Variants in WWOX observed in about 807,000 individuals in gnomAD.
The protein encoded by WWOX is WW domain-containing oxidoreductase.
A neutral mutation model predicts 46.2 loss-of-function variants in WWOX; 69 were observed. The observed-to-expected ratio is 1.49, with a 90% CI of 1.23 to 1.82. The LOEUF is 1.82. WWOX is among the 40% of genes most tolerant of loss of function. The pLI, the probability that WWOX is intolerant of heterozygous loss-of-function variation, is 0.00. For synonymous variants in WWOX, 359 were observed against 202.6 expected (o/e 1.77, Z -6.56); for missense variants, 919 against 542.6 (o/e 1.69, Z -6.89).
intron 8 of WWOX, among the ~76,000 whole-genome samples, chr16:78,924,148 T>A (rs891067575): frequency 6.6e-6 from 1 of 152,092 alleles, no homozygotes; most frequent in Non-Finnish European, 1.5e-5. Flanking sequence ...GACAAGGCTC[T>A]GGTTAGAGAA....
rs777271293 is a variant in WWOX at position 78,115,162 on chromosome 16, C to T, written c.409+8C>T. ...GAGCTAATTCAGGAATAGGTAGGCT[C>T]TTCACTTAGTTATTTATCTTTGGGA... On this transcript the variant is annotated splice_region_variant and intron_variant, in intron 4 of 8. Coordinates refer to ENST00000566780, the MANE Select transcript of WWOX (RefSeq NM_016373.4). 6.2e-7 allele frequency: 1 copy of T among 1,614,168 alleles called. No homozygotes were observed. The highest frequency in any genetic ancestry group is 8.5e-7 in the Non-Finnish European group (1 of 1,179,982).
rs1201857935 is a variant in WWOX at position 78,339,275 on chromosome 16, T to C, written c.517-47585T>C. Among the ~76,000 whole-genome samples the C allele has an allele frequency of 2.5e-5, 3 of 118,120 alleles. No homozygotes were observed. The East Asian group carries it at 5.8e-4, about 23-fold the overall frequency. 77.5% of individuals were successfully genotyped at this position (118,120 alleles called of 152,430 possible). On this transcript the variant is annotated intron_variant, in intron 5 of 8. Coordinates refer to ENST00000566780, the MANE Select transcript of WWOX (RefSeq NM_016373.4). ...ATTTTTTCCCTGGAGTTAATACTCA[T>C]CTTTTTTTAGAAATTTGCTGAGTTT...
chr16:78,333,020 G>C lies in WWOX; in HGVS notation c.517-53840G>C, dbSNP rs1033475471. Among the ~76,000 whole-genome samples the C allele has an allele frequency of 2.1e-5, 3 of 141,960 alleles. No individual in the cohort carries two copies. The South Asian group carries it at 6.7e-4, about 32-fold the overall frequency. 93.1% of individuals were successfully genotyped at this position (141,960 alleles called of 152,430 possible). On this transcript the variant is annotated intron_variant, in intron 5 of 8. Coordinates refer to ENST00000566780, the MANE Select transcript of WWOX (RefSeq NM_016373.4). The stretch of plus-strand genomic sequence containing the variant: ...CCAAGATTCTTCGCTTGGGTATTCT[G>C]AGTAGCATGGAAGAGCATTATACTT...
chr16:78,579,410 C>T (rs953257394), intron 8 of WWOX, among the ~76,000 whole-genome samples: 1 of 152,062 alleles, frequency 6.6e-6, no homozygotes, highest in Non-Finnish European at 1.5e-5. Flanking sequence ...GTTCACCAGG[C>T]AAACTGAGGA....
intron 5 of WWOX, among the ~76,000 whole-genome samples, chr16:78,243,564 T>G (rs2037725375): frequency 6.6e-6 from 1 of 152,090 alleles, no homozygotes; most frequent in African/African-American, 2.4e-5. Flanking sequence ...CTTCTTTTTT[T>G]GAGACAGAGT....
rs1193263248 is a variant in WWOX at position 78,344,526 on chromosome 16, C to T, written c.517-42334C>T. The stretch of plus-strand genomic sequence containing the variant: ...TTAAATGAACACAGGAAATGCCATT[C>T]ACCTTTACCATGAATGGGAATCTTT... On this transcript the variant is annotated intron_variant, in intron 5 of 8. Transcript: ENST00000566780. Among the ~76,000 whole-genome samples, 2 of 120,844 alleles carry T rather than the reference C, an allele frequency of 1.7e-5. 1 individual carries two copies. The highest frequency in any genetic ancestry group is 4.0e-5 in the Non-Finnish European group (2 of 50,616). The allele number at this position is 120,844 out of a possible 152,430, so 79.3% of individuals were successfully genotyped here.
intron 8 of WWOX, among the ~76,000 whole-genome samples, chr16:79,011,459 T>TTTTG (rs533216805): frequency 1.1e-4 from 14 of 131,978 alleles, no homozygotes; most frequent in Admixed American, 7.8e-4. Context: ...TTATTTTTTA[T>TTTTG]TTTATTTATT....
rs139843296 is a variant in WWOX, at chr16:78,762,160, C to G, written c.1056+329408C>G. On this transcript the variant is annotated intron_variant, in intron 8 of 8. Coordinates refer to ENST00000566780, the MANE Select transcript of WWOX (RefSeq NM_016373.4). ...ATTTTATAGATTAGGAAACCAAGGT[C>G]AAAAGTGGTGAATTGATTTGACCAA... Among the ~76,000 whole-genome samples, 449 of 152,250 alleles carry G rather than the reference C, an allele frequency of 2.9e-3. 1 individual carries two copies. The highest frequency in any genetic ancestry group is 0.01 in the African/African-American group (421 of 41,546).
At chr16:79,105,220 G>C (rs1415280722) in intron 8 of WWOX, among the ~76,000 whole-genome samples, 1 of 152,110 alleles carries the variant, frequency 6.6e-6, no homozygotes, top group African/African-American at 2.4e-5. Context: ...CTCAGTAACA[G>C]CAGTCTGCTA....
intron 8 of WWOX, among the ~76,000 whole-genome samples, chr16:78,498,810 C>A (rs184282028): frequency 3.3e-5 from 5 of 152,308 alleles, no homozygotes; most frequent in Non-Finnish European, 7.3e-5. Flanking sequence ...AAGTAGTCTT[C>A]CTGCCTTGGC....
intron 8 of WWOX, among the ~76,000 whole-genome samples, chr16:78,732,886 G>A (rs887807168): frequency 6.6e-6 from 1 of 152,186 alleles, no homozygotes; most frequent in African/African-American, 2.4e-5. Context: ...TCTTTCTTGA[G>A]AATAAGCGCT....
intron 8 of WWOX, among the ~76,000 whole-genome samples, chr16:78,748,213 A>G (rs1417373083): frequency 2.0e-5 from 3 of 152,156 alleles, no homozygotes; most frequent in Admixed American, 2.0e-4. Context: ...GGCAGTGTCC[A>G]CTCAATACAT....
chr16:78,757,094 A>G, intron 8 of WWOX: 3 of 691,526 alleles, frequency 4.3e-6, no homozygotes, highest in Admixed American at 2.0e-5. Context: ...TGCAATCTTG[A>G]CTGGAACTTT....
chr16:78,529,210 C>G (rs1362705680), intron 8 of WWOX, among the ~76,000 whole-genome samples: 2 of 152,132 alleles, frequency 1.3e-5, no homozygotes, highest in Admixed American at 6.5e-5. Context: ...CCACCTCAGC[C>G]TCCCAAAATG....
At chr16:78,269,936 T>G (rs887593480) in intron 5 of WWOX, among the ~76,000 whole-genome samples, 1 of 149,466 alleles carries the variant, frequency 6.7e-6, no homozygotes, top group African/African-American at 2.4e-5. Flanking sequence ...TTTTTTTACT[T>G]TCACCAGGTA....
At chr16:78,330,638 G>A (rs970406742) in intron 5 of WWOX, among the ~76,000 whole-genome samples, 5 of 152,174 alleles carry the variant, frequency 3.3e-5, no homozygotes, top group Admixed American at 6.5e-5. Context: ...CTCGTGATCC[G>A]CCCGCCTTGG....
intron 5 of WWOX, among the ~76,000 whole-genome samples, chr16:78,322,423 C>G (rs190366624): frequency 2.0e-5 from 3 of 152,154 alleles, no homozygotes; most frequent in Non-Finnish European, 4.4e-5. Context: ...TGTTCGTGAT[C>G]GCCAGGATCA....
chr16:78,470,119 C>G (rs768138519), intron 8 of WWOX, among the ~76,000 whole-genome samples: 1 of 152,212 alleles, frequency 6.6e-6, no homozygotes, highest in Non-Finnish European at 1.5e-5. Flanking sequence ...GACTCAAGCT[C>G]TTTTCATCTT....
At chr16:78,686,758 A>G (rs985479354) in intron 8 of WWOX, among the ~76,000 whole-genome samples, 2 of 152,108 alleles carry the variant, frequency 1.3e-5, no homozygotes, top group South Asian at 2.1e-4. Flanking sequence ...CCTGCACTCC[A>G]TATGCCTTCT....
Sources: allele counts gnomAD v4.1 joint callset (sites outside exome capture counted in the v4.1 genomes callset), GRCh38; gene constraint gnomAD v4.1.1; transcripts MANE v1.5; gene names NCBI Gene and HGNC (gene_info 2026-07-23, HGNC 2026-07-21).